Variants in SGCG observed in about 807,000 individuals in gnomAD.
SGCG encodes the protein sarcoglycan gamma.
Under a neutral mutation model 29.3 loss-of-function variants are expected in SGCG, and 26 were observed. The ratio of observed to expected loss-of-function variants is 0.89; its 90% CI spans 0.65 to 1.23. The LOEUF is 1.23. SGCG is among the 50% of genes most tolerant of loss of function. The pLI is 0.00. For synonymous variants in SGCG, 145 were observed against 129.7 expected, an observed-to-expected ratio of 1.12 and a Z score of -0.80; for missense variants, 353 against 356.0, an observed-to-expected ratio of 0.99 and a Z score of 0.07.
intron 2 of SGCG, among the ~76,000 whole-genome samples, chr13:23,228,825 A>G (rs1032009795): frequency 1.3e-5 from 2 of 152,152 alleles, no homozygotes; most frequent in Admixed American, 6.5e-5. Context: ...GCTGCATAGT[A>G]TTCCATAGTG....
intron 3 of SGCG, among the ~76,000 whole-genome samples, chr13:23,237,002 G>A (rs145845337): frequency 1.4e-3 from 215 of 152,242 alleles, no homozygotes; most frequent in Middle Eastern, 0.01. Context: ...TCAAAGATGA[G>A]TCTAGGAAGC....
chr13:23,307,022 G>T (rs503049), intron 6 of SGCG, among the ~76,000 whole-genome samples: 109,663 of 152,172 alleles, frequency 0.72, 41,477 homozygotes, highest in East Asian at 0.89. Flanking sequence ...AAATATATTA[G>T]ATTTAATTTT....
At chr13:23,260,801 A>T (rs1170638714) in intron 4 of SGCG, among the ~76,000 whole-genome samples, 5 of 151,892 alleles carry the variant, frequency 3.3e-5, no homozygotes, top group Non-Finnish European at 5.9e-5. Context: ...TCCTTCGCTT[A>T]TGAAGCTTAG....
At chr13:23,186,336 A>G (rs34797533) in intron 1 of SGCG, among the ~76,000 whole-genome samples, 12,317 of 152,248 alleles carry the variant, frequency 0.081, 1,166 homozygotes, top group African/African-American at 0.23. Flanking sequence ...CTTCCCAGAC[A>G]ATTCTTGTCA....
chr13:23,249,351 G>A (rs905727316), intron 3 of SGCG, among the ~76,000 whole-genome samples: 9 of 152,112 alleles, frequency 5.9e-5, no homozygotes, highest in Admixed American at 5.2e-4. Flanking sequence ...CCCAACCTTA[G>A]CAGTCCTTTC....
the SGCG span, among the ~76,000 whole-genome samples, chr13:23,171,789 C>T: frequency 5.3e-5 from 8 of 152,256 alleles, no homozygotes; most frequent in South Asian, 2.1e-4. Flanking sequence ...TCCACTGATC[C>T]GACAGGAAGC....
intron 1 of SGCG, among the ~76,000 whole-genome samples, chr13:23,194,472 C>T (rs1203808849): frequency 2.0e-5 from 3 of 151,932 alleles, no homozygotes; most frequent in African/African-American, 4.8e-5. Context: ...AGGATTTCAC[C>T]CCTACTCTCA....
chr13:23,255,741 A>G (rs554140475), intron 4 of SGCG, among the ~76,000 whole-genome samples: 109 of 152,302 alleles, frequency 7.2e-4, no homozygotes, highest in African/African-American at 2.6e-3. Context: ...TTTTTTTCCA[A>G]GATGGAAGAT....
intron 4 of SGCG, among the ~76,000 whole-genome samples, chr13:23,261,971 C>T (rs555073377): frequency 1.3e-5 from 2 of 152,130 alleles, no homozygotes; most frequent in South Asian, 4.2e-4. Context: ...TGGAATTTGT[C>T]AGCACTAGAC....
rs71100165 is a variant in SGCG at position 23,276,431 on chromosome 13, CTTTTTTT to C, written c.386-2915_386-2909del. Among the ~76,000 whole-genome samples the C allele has an allele frequency of 7.8e-5, 8 of 102,384 alleles. No individual in the cohort carries two copies. The South Asian group carries it at 2.7e-3, about 35-fold the overall frequency. 67.2% of individuals were successfully genotyped at this position (102,384 alleles called of 152,430 possible). ...CATGAACGCTTTCTTTTTTAGTTTT[CTTTTTTT>C]TTTTTTTTTTTTGAGACAGAGTCTC... On this transcript the variant is annotated intron_variant, in intron 4 of 7. Transcript: ENST00000218867.
chr13:23,270,121 G>A (rs1035893721), intron 4 of SGCG, among the ~76,000 whole-genome samples: 65 of 152,180 alleles, frequency 4.3e-4, no homozygotes, highest in African/African-American at 1.3e-3. Flanking sequence ...TGATCCACCC[G>A]CCTCGGCCTC....
At chr13:23,191,734 A>C (rs1877261776) in intron 1 of SGCG, among the ~76,000 whole-genome samples, 1 of 152,234 alleles carries the variant, frequency 6.6e-6, no homozygotes, top group Non-Finnish European at 1.5e-5. Flanking sequence ...AATGCTTTTC[A>C]GATACTAATC....
intron 7 of SGCG, among the ~76,000 whole-genome samples, chr13:23,322,768 A>ACC (rs1238626476): frequency 9.0e-5 from 3 of 33,464 alleles, no homozygotes; most frequent in Admixed American, 3.2e-4. Flanking sequence ...CCACCCATCC[A>ACC]CCTCCCCCCC....
At chr13:23,208,091 G>A (rs1878048944) in intron 2 of SGCG, among the ~76,000 whole-genome samples, 1 of 152,076 alleles carries the variant, frequency 6.6e-6, no homozygotes, top group Admixed American at 6.6e-5. Flanking sequence ...AAATGGTAAA[G>A]TTAAATAGGG....
intron 3 of SGCG, among the ~76,000 whole-genome samples, chr13:23,240,454 G>C (rs1440797132): frequency 6.6e-6 from 1 of 152,178 alleles, no homozygotes; most frequent in Non-Finnish European, 1.5e-5. Flanking sequence ...CTTGAACAAT[G>C]CTATCAACCA....
chr13:23,193,021 T>C (rs1034983656), intron 1 of SGCG, among the ~76,000 whole-genome samples: 1 of 152,124 alleles, frequency 6.6e-6, no homozygotes, highest in African/African-American at 2.4e-5. Context: ...AAAGGAACTT[T>C]GGAGGAAATG....
chr13:23,255,939 A>G (rs1032803600), intron 4 of SGCG, among the ~76,000 whole-genome samples: 1 of 152,202 alleles, frequency 6.6e-6, no homozygotes, highest in Non-Finnish European at 1.5e-5. Flanking sequence ...CCCACAGGAG[A>G]CAGTGAACCT....
chr13:23,173,244 A>G, the SGCG span, among the ~76,000 whole-genome samples: 5 of 152,192 alleles, frequency 3.3e-5, no homozygotes, highest in Non-Finnish European at 7.3e-5. Flanking sequence ...TCTCAGCATC[A>G]AAGATCCATG....
chr13:23,209,235 G>T (rs932543751), intron 2 of SGCG, among the ~76,000 whole-genome samples: 1 of 152,152 alleles, frequency 6.6e-6, no homozygotes, highest in Middle Eastern at 3.4e-3. Context: ...AAGTTACATT[G>T]CCCTTTTTAG....
Sources: allele counts gnomAD v4.1 joint callset (sites outside exome capture counted in the v4.1 genomes callset), GRCh38; gene constraint gnomAD v4.1.1; transcripts MANE v1.5; gene names NCBI Gene and HGNC (gene_info 2026-07-23, HGNC 2026-07-21).